The following GRM1 variants were observed in gnomAD, a reference collection of about 807,000 sequenced individuals.
GRM1 encodes glutamate metabotropic receptor 1.
GRM1 carries 33 observed loss-of-function variants against 90.9 expected under a neutral mutation model. That is an observed-to-expected ratio of 0.36 (90% CI 0.28 to 0.49). GRM1 has a LOEUF of 0.49. Ranked by LOEUF, GRM1 falls within the 20% of genes least tolerant of loss-of-function variation. The pLI is 0.99. For synonymous variants in GRM1, 700 were observed against 613.2 expected (o/e 1.14, Z -2.09); for missense variants, 1,190 against 1,534.3 (o/e 0.78, Z 3.75).
chr6:146,222,810 T>C (rs1453511722), intron 2 of GRM1, among the ~76,000 whole-genome samples: 1 of 152,062 alleles, frequency 6.6e-6, no homozygotes, highest in Non-Finnish European at 1.5e-5. Context: ...CAAATGAGTT[T>C]CTAAGTCAGA....
chr6:146,042,705 C>A (rs561278888), intron 1 of GRM1, among the ~76,000 whole-genome samples: 2 of 152,032 alleles, frequency 1.3e-5, no homozygotes, highest in African/African-American at 4.8e-5. Context: ...GATGAGAAAC[C>A]ACATATTCCT....
At chr6:146,426,468 G>A (rs769090138) in intron 7 of GRM1, 100 of 1,177,754 alleles carry the variant, frequency 8.5e-5, no homozygotes, top group Non-Finnish European at 1.2e-4. Context: ...AAGGCTCAGG[G>A]CCAGGCACTG....
chr6:146,063,155 G>C (rs1310526751), intron 1 of GRM1, among the ~76,000 whole-genome samples: 1 of 152,198 alleles, frequency 6.6e-6, no homozygotes, highest in Non-Finnish European at 1.5e-5. Context: ...TGGAGAGCAG[G>C]CTGATTTCAG....
At chr6:146,093,818 G>A (rs1461164173) in intron 1 of GRM1, among the ~76,000 whole-genome samples, 1 of 151,940 alleles carries the variant, frequency 6.6e-6, no homozygotes, top group Non-Finnish European at 1.5e-5. Flanking sequence ...AATATAATTA[G>A]CAGGTTTTTC....
At chr6:146,360,430 G>T (rs1562637778) in intron 5 of GRM1, among the ~76,000 whole-genome samples, 1 of 152,030 alleles carries the variant, frequency 6.6e-6, no homozygotes, top group African/African-American at 2.4e-5. Context: ...TAACCTTAGG[G>T]TCCACTCAGG....
intron 2 of GRM1, among the ~76,000 whole-genome samples, chr6:146,294,208 A>C (rs1159188843): frequency 6.6e-6 from 1 of 151,828 alleles, no homozygotes; most frequent in Non-Finnish European, 1.5e-5. Flanking sequence ...AAAAAATATA[A>C]GCATTTCTGG....
At chr6:146,280,520 A>G (rs1341180556) in intron 2 of GRM1, among the ~76,000 whole-genome samples, 1 of 151,884 alleles carries the variant, frequency 6.6e-6, no homozygotes, top group Non-Finnish European at 1.5e-5. Context: ...ACAGAACGCT[A>G]TGGGCCCAGA....
chr6:146,328,935 G>A (rs1784494831), intron 3 of GRM1, among the ~76,000 whole-genome samples: 1 of 152,152 alleles, frequency 6.6e-6, no homozygotes, highest in Admixed American at 6.6e-5. Context: ...ATCCTCAATA[G>A]GGCAGGCTAT....
chr6:146,346,089 T>C, intron 3 of GRM1, among the ~76,000 whole-genome samples: 1 of 152,228 alleles, frequency 6.6e-6, no homozygotes, highest in East Asian at 1.9e-4. Context: ...TTAACACCCT[T>C]GTGATTGCCC....
chr6:146,290,536 T>C lies in GRM1; in HGVS notation c.951-14075T>C, dbSNP rs138756908. The stretch of plus-strand genomic sequence containing the variant: ...TCTCATGACCAGAGGGCAGAGCCTG[T>C]AACCATAGGGAATTATTCCCAGGCT... On this transcript the variant is annotated intron_variant, in intron 2 of 7. Transcript: ENST00000282753. Among the ~76,000 whole-genome samples the C allele has an allele frequency of 6.7e-4, 102 of 152,302 alleles. No individual in the cohort carries two copies. In the East Asian group the frequency reaches 0.015, roughly 23 times the overall value.
chr6:146,285,927 C>T (rs368568554), intron 2 of GRM1, among the ~76,000 whole-genome samples: 15 of 152,076 alleles, frequency 9.9e-5, no homozygotes, highest in Non-Finnish European at 1.8e-4. Flanking sequence ...ATTTTTAATA[C>T]GTTGAATGAA....
At chr6:146,265,432 C>A (rs181569292) in intron 2 of GRM1, among the ~76,000 whole-genome samples, 2 of 152,194 alleles carry the variant, frequency 1.3e-5, no homozygotes, top group Admixed American at 1.3e-4. Flanking sequence ...AATATTATTT[C>A]TTTGTCAGAT....
At chr6:146,118,140 C>CTTTTTTTTTT (rs67033918) in intron 1 of GRM1, among the ~76,000 whole-genome samples, 20 of 115,440 alleles carry the variant, frequency 1.7e-4, no homozygotes, top group East Asian at 2.4e-4. Flanking sequence ...TTCTTCTTTT[C>CTTTTTTTTTT]TTTTTTTTTT....
chr6:146,369,332 A>G (rs911592692), intron 5 of GRM1, among the ~76,000 whole-genome samples: 16 of 150,970 alleles, frequency 1.1e-4, no homozygotes, highest in Non-Finnish European at 1.5e-5. Flanking sequence ...TTCTACTTTG[A>G]TATTTATTAT....
At chr6:146,324,737 C>G (rs1467980262) in intron 3 of GRM1, among the ~76,000 whole-genome samples, 1 of 152,112 alleles carries the variant, frequency 6.6e-6, no homozygotes, top group Non-Finnish European at 1.5e-5. Flanking sequence ...CTTCAACTCA[C>G]CCCCCGTGGG....
At chr6:146,325,612 G>T (rs960049852) in intron 3 of GRM1, among the ~76,000 whole-genome samples, 6 of 152,184 alleles carry the variant, frequency 3.9e-5, no homozygotes, top group African/African-American at 1.4e-4. Context: ...ACATTGTTAT[G>T]TAGCAAACGG....
At chr6:146,342,518 A>C (rs1002240652) in intron 3 of GRM1, among the ~76,000 whole-genome samples, 1 of 152,222 alleles carries the variant, frequency 6.6e-6, no homozygotes, top group African/African-American at 2.4e-5. Context: ...AGAGTCAGGC[A>C]GGCTGGGTGT....
chr6:146,207,808 A>G lies in GRM1; in HGVS notation c.950+48211A>G, dbSNP rs1779545011. ...AACTTAGTGACTAGTTATTTATTAC[A>G]TTTTAAGTTGTTGGTCTGAGCCTAT... On this transcript the variant is annotated intron_variant, in intron 2 of 7. Transcript: ENST00000282753. Among the ~76,000 whole-genome samples, 2 of 152,150 alleles carry G rather than the reference A, an allele frequency of 1.3e-5. 1 individual carries two copies. The highest frequency in any genetic ancestry group is 4.1e-4 in the South Asian group (2 of 4,832).
chr6:146,296,916 G>A (rs941583056), intron 2 of GRM1, among the ~76,000 whole-genome samples: 4 of 152,108 alleles, frequency 2.6e-5, no homozygotes, highest in Non-Finnish European at 4.4e-5. Context: ...TGACTTCTAC[G>A]ATTCATGAAG....
Sources: gnomAD v4.1 joint callset for allele counts (sites outside exome capture counted in the v4.1 genomes callset) on GRCh38, gnomAD v4.1.1 for gene constraint, MANE v1.5 for transcripts, NCBI Gene and HGNC (gene_info 2026-07-23, HGNC 2026-07-21) for gene names.